MBNL1: variants seen among roughly 807,000 people sequenced by gnomAD.
MBNL1 encodes the protein muscleblind like splicing regulator 1.
In MBNL1, 8 loss-of-function variants were observed where a neutral mutation model predicts 42.2. The ratio of observed to expected loss-of-function variants is 0.19; its 90% CI spans 0.11 to 0.34. MBNL1 has a LOEUF of 0.34. Among genes scored for constraint, MBNL1 ranks in the 10% least tolerant of loss-of-function variants. The pLI, the probability that MBNL1 is intolerant of heterozygous loss-of-function variation, is 1.00. For synonymous variants in MBNL1, 169 were observed against 173.9 expected (o/e 0.97, Z 0.22); for missense variants, 309 against 495.3 (o/e 0.62, Z 3.57).
intron 2 of MBNL1, among the ~76,000 whole-genome samples, chr3:152,313,352 A>G (rs1037951024): frequency 6.6e-6 from 1 of 152,124 alleles, no homozygotes; most frequent in Non-Finnish European, 1.5e-5. Flanking sequence ...CAAAGAATCA[A>G]GACTTTGTTA....
intron 3 of MBNL1, among the ~76,000 whole-genome samples, chr3:152,420,180 G>C (rs1026326128): frequency 3.9e-5 from 6 of 152,198 alleles, no homozygotes; most frequent in Non-Finnish European, 8.8e-5. Context: ...TGTGGGCGCA[G>C]CTTCAGCAGA....
chr3:152,362,110 T>G (rs764894702), intron 2 of MBNL1, among the ~76,000 whole-genome samples: 2 of 152,192 alleles, frequency 1.3e-5, no homozygotes, highest in South Asian at 2.1e-4. Flanking sequence ...TTCTGTTGAG[T>G]AAATGAGTAG....
At chr3:152,400,126 G>A (rs2098149074) in intron 2 of MBNL1, among the ~76,000 whole-genome samples, 2 of 152,158 alleles carry the variant, frequency 1.3e-5, no homozygotes, top group Non-Finnish European at 2.9e-5. Flanking sequence ...ATTGCCATGA[G>A]GATAAAAGCT....
intron 4 of MBNL1, among the ~76,000 whole-genome samples, chr3:152,443,786 T>C (rs1053420426): frequency 1.3e-5 from 2 of 152,218 alleles, no homozygotes; most frequent in Non-Finnish European, 2.9e-5. Context: ...AAGTCATTTT[T>C]GTGATCTTAA....
intron 2 of MBNL1, among the ~76,000 whole-genome samples, chr3:152,329,688 T>TTA (rs2082843454): frequency 7.0e-6 from 1 of 143,804 alleles, no homozygotes; most frequent in Non-Finnish European, 1.5e-5. Context: ...TATATATATC[T>TTA]TATATATTAT....
At chr3:152,338,030 G>T in intron 2 of MBNL1, 1 of 891,760 alleles carries the variant, frequency 1.1e-6, no homozygotes, top group Non-Finnish European at 1.3e-6. Flanking sequence ...GCGATGACAA[G>T]ATATAATAAT....
intron 2 of MBNL1, among the ~76,000 whole-genome samples, chr3:152,366,285 C>A (rs1377459767): frequency 6.6e-6 from 1 of 152,068 alleles, no homozygotes; most frequent in African/African-American, 2.4e-5. Context: ...TGTTAAAGGC[C>A]AAATATCTGT....
chr3:152,394,024 A>G (rs1392477069), intron 2 of MBNL1, among the ~76,000 whole-genome samples: 1 of 152,172 alleles, frequency 6.6e-6, no homozygotes, highest in Non-Finnish European at 1.5e-5. Context: ...TATTTTTATC[A>G]CTGACATTCA....
chr3:152,347,180 A>C (rs534733075), intron 2 of MBNL1, among the ~76,000 whole-genome samples: 2 of 152,232 alleles, frequency 1.3e-5, no homozygotes, highest in Admixed American at 6.5e-5. Context: ...AGAACAGCCA[A>C]CTATACTGTA....
At chr3:152,449,285 G>T (rs1716866150) in intron 6 of MBNL1, 1 of 152,136 alleles carries the variant, frequency 6.6e-6, no homozygotes, top group Non-Finnish European at 1.5e-5. Flanking sequence ...TAGACCAGAG[G>T]TAGTGAGTTA....
intron 2 of MBNL1, among the ~76,000 whole-genome samples, chr3:152,312,925 T>C (rs2067769968): frequency 6.6e-6 from 1 of 152,218 alleles, no homozygotes; most frequent in Non-Finnish European, 1.5e-5. Context: ...TGACTACCAG[T>C]GGTTTTCACT....
chr3:152,335,338 T>C (rs750085250), intron 2 of MBNL1: 34 of 1,064,172 alleles, frequency 3.2e-5, no homozygotes, highest in Non-Finnish European at 4.0e-5. Flanking sequence ...TTTGGTATTC[T>C]GTACATTAGA....
chr3:152,459,235 C>T, intron 8 of MBNL1, 36 bp from the exon 9 acceptor site: 2 of 1,209,210 alleles, frequency 1.7e-6, no homozygotes, highest in Non-Finnish European at 2.4e-6. Flanking sequence ...GGCTTGCTTG[C>T]ATGGATCATT....
At chr3:152,425,733 G>A (rs1279728221) in intron 3 of MBNL1, among the ~76,000 whole-genome samples, 1 of 152,150 alleles carries the variant, frequency 6.6e-6, no homozygotes, top group Non-Finnish European at 1.5e-5. Flanking sequence ...GGAGAAATAG[G>A]AATGCTTTTA....
chr3:152,305,573 A>G (rs755260701), intron 2 of MBNL1, among the ~76,000 whole-genome samples: 6 of 152,204 alleles, frequency 3.9e-5, no homozygotes, highest in Admixed American at 6.5e-5. Context: ...AGCTAGGCCA[A>G]AAATCATGAC....
At position 152,299,818 on chromosome 3, in the gene MBNL1, G is replaced by A. The variant is rs2060000774; in HGVS notation, c.-376G>A. The A allele has an allele frequency of 2.5e-6, 1 of 402,262 alleles. No homozygotes were observed. Among genetic ancestry groups the A allele is most frequent in the Non-Finnish European group, 4.4e-6 (1 of 228,480 alleles). The allele number at this position is 402,262 out of a possible 1,614,324, so 24.9% of individuals were successfully genotyped here. A position where few individuals can be genotyped will look rare whatever the true frequency, so the allele number is the denominator to read the frequency against. On this transcript the variant is annotated 5_prime_UTR_variant, in exon 2 of 10. The change creates a new upstream start codon in the 5' untranslated region. Coordinates refer to ENST00000324210, the MANE Select transcript of MBNL1 (RefSeq NM_021038.5). ...TTGCTGAAAGCAGCTTGGAAATTCG[G>A]TGTCGAAGGGTCTGCCACGTTTTCA...
chr3:152,245,195 A>T (rs566297066), intron 2 of MBNL1, among the ~76,000 whole-genome samples: 2 of 152,268 alleles, frequency 1.3e-5, no homozygotes, highest in South Asian at 4.1e-4. Context: ...AATAATCTAG[A>T]TCCTAGAAAC....
At chr3:152,268,923 T>G (rs992923513), upstream of MBNL1, 4 of 456,004 alleles carry the variant, frequency 8.8e-6, no homozygotes, top group Admixed American at 2.3e-5. Flanking sequence ...CACAGCGACA[T>G]GCAACAGTCT....
chr3:152,415,177 G>C, intron 3 of MBNL1, 66 bp downstream of exon 3: 2 of 1,399,506 alleles, frequency 1.4e-6, no homozygotes, highest in Non-Finnish European at 1.9e-6. Context: ...TAGTACTAAA[G>C]TGATTATTGC....
Sources: allele counts gnomAD v4.1 joint callset (sites outside exome capture counted in the v4.1 genomes callset), GRCh38; gene constraint gnomAD v4.1.1; transcripts MANE v1.5; gene names NCBI Gene and HGNC (gene_info 2026-07-23, HGNC 2026-07-21).